The following FHIT variants were observed in gnomAD, a reference collection of about 807,000 sequenced individuals.
The protein encoded by FHIT is bis(5'-adenosyl)-triphosphatase.
FHIT carries 19 observed loss-of-function variants against 17.9 expected under a neutral mutation model. The observed-to-expected ratio is 1.06, with a 90% CI of 0.74 to 1.56. The LOEUF is 1.56. FHIT is among the 40% of genes most tolerant of loss of function. FHIT has a pLI of 0.00. For synonymous variants in FHIT, 81 were observed against 69.7 expected, an observed-to-expected ratio of 1.16 and a Z score of -0.81; for missense variants, 248 against 189.2, an observed-to-expected ratio of 1.31 and a Z score of -1.82.
intron 9 of FHIT, chr3:59,750,100 G>A (rs1382741104): frequency 2.2e-5 from 5 of 226,390 alleles, no homozygotes; most frequent in Non-Finnish European, 4.4e-5. Flanking sequence ...GATGTACAAG[G>A]GAAGTCAATT....
intron 4 of FHIT, among the ~76,000 whole-genome samples, chr3:60,553,117 C>T (rs2036615157): frequency 1.3e-5 from 2 of 152,102 alleles, no homozygotes; most frequent in Non-Finnish European, 2.9e-5. Context: ...AAATAATTAT[C>T]TTGCTTTTAT....
chr3:59,874,367 G>C (rs1304459803), intron 8 of FHIT, among the ~76,000 whole-genome samples: 1 of 152,222 alleles, frequency 6.6e-6, no homozygotes, highest in Non-Finnish European at 1.5e-5. Flanking sequence ...ATTTCGACTA[G>C]CATGGTAGTT....
At chr3:60,169,930 G>A (rs1026159905) in intron 5 of FHIT, among the ~76,000 whole-genome samples, 8 of 152,186 alleles carry the variant, frequency 5.3e-5, no homozygotes, top group African/African-American at 1.7e-4. Context: ...AGAAAAAGAG[G>A]AAGTACTACA....
chr3:60,840,098 C>G (rs868995525), intron 3 of FHIT, among the ~76,000 whole-genome samples: 1 of 151,860 alleles, frequency 6.6e-6, no homozygotes. Context: ...AGCCTAAAGG[C>G]CTTGAAAGAA....
At chr3:59,803,563 G>T (rs192365372) in intron 8 of FHIT, among the ~76,000 whole-genome samples, 1 of 152,352 alleles carries the variant, frequency 6.6e-6, no homozygotes, top group Non-Finnish European at 1.5e-5. Flanking sequence ...ATGAACAAAG[G>T]TGGAAAGATG....
chr3:60,147,487 C>A (rs568603335), intron 5 of FHIT, among the ~76,000 whole-genome samples: 1 of 152,124 alleles, frequency 6.6e-6, no homozygotes, highest in African/African-American at 2.4e-5. Flanking sequence ...CCTCCGCCAC[C>A]GTGGGTGTCA....
intron 3 of FHIT, among the ~76,000 whole-genome samples, chr3:60,841,415 T>C (rs186340269): frequency 3.9e-4 from 59 of 152,364 alleles, no homozygotes; most frequent in African/African-American, 1.3e-3. Context: ...ATCTGTAGAC[T>C]ATGTGGAAAG....
intron 8 of FHIT, among the ~76,000 whole-genome samples, chr3:59,868,242 G>A (rs1353412796): frequency 6.6e-6 from 1 of 151,996 alleles, no homozygotes; most frequent in African/African-American, 2.4e-5. Flanking sequence ...CACATTTTAT[G>A]GATCCCAAAG....
intron 5 of FHIT, among the ~76,000 whole-genome samples, chr3:60,517,420 G>T (rs150789383): frequency 7.4e-6 from 1 of 134,260 alleles, no homozygotes; most frequent in African/African-American, 2.9e-5. Context: ...AGATAGCATC[G>T]GAATCATAGG....
At chr3:60,318,695 T>A (rs903941794) in intron 5 of FHIT, among the ~76,000 whole-genome samples, 1 of 152,190 alleles carries the variant, frequency 6.6e-6, no homozygotes. Flanking sequence ...TTAATTCACC[T>A]TTTAAAAGTT....
intron 7 of FHIT, among the ~76,000 whole-genome samples, chr3:59,947,420 T>G (rs768559462): frequency 6.6e-6 from 1 of 152,324 alleles, no homozygotes; most frequent in Non-Finnish European, 1.5e-5. Context: ...TTAGTCTAGC[T>G]AGTGGTCTAT....
chr3:60,398,419 G>A (rs1428274541), intron 5 of FHIT, among the ~76,000 whole-genome samples: 1 of 152,126 alleles, frequency 6.6e-6, no homozygotes, highest in East Asian at 1.9e-4. Context: ...AAACTAACTA[G>A]ATGAGAAAGT....
At chr3:59,753,303 T>A (rs1457604663) in intron 8 of FHIT, among the ~76,000 whole-genome samples, 2 of 152,280 alleles carry the variant, frequency 1.3e-5, no homozygotes, top group South Asian at 2.1e-4. Context: ...TTACAAAAAA[T>A]TAACAATTTG....
At chr3:60,553,361 G>T (rs182495855) in intron 4 of FHIT, 201 of 976,248 alleles carry the variant, frequency 2.1e-4, no homozygotes, top group Non-Finnish European at 2.3e-4. Flanking sequence ...GTGTTTTTAC[G>T]TAATGTGAAT....
chr3:60,139,268 G>C (rs976152047), intron 5 of FHIT, among the ~76,000 whole-genome samples: 5 of 152,148 alleles, frequency 3.3e-5, no homozygotes, highest in African/African-American at 9.7e-5. Context: ...TACTTCATCA[G>C]ATTTGCCATC....
intron 4 of FHIT, among the ~76,000 whole-genome samples, chr3:60,739,761 C>T (rs1362756213): frequency 6.6e-6 from 1 of 152,146 alleles, no homozygotes; most frequent in African/African-American, 2.4e-5. Flanking sequence ...AATGTACATT[C>T]CAGGATCTAA....
intron 5 of FHIT, among the ~76,000 whole-genome samples, chr3:60,110,366 A>G (rs1349207398): frequency 6.6e-6 from 1 of 152,178 alleles, no homozygotes; most frequent in Non-Finnish European, 1.5e-5. Flanking sequence ...AAGATGAACT[A>G]AGTAATCACC....
intron 5 of FHIT, among the ~76,000 whole-genome samples, chr3:60,489,686 T>A (rs1452778870): frequency 6.6e-6 from 1 of 152,228 alleles, no homozygotes; most frequent in Non-Finnish European, 1.5e-5. Flanking sequence ...GTTTTTGAAC[T>A]ATTATTGCAA....
At chr3:61,021,930 A>C (rs534440709) in intron 3 of FHIT, among the ~76,000 whole-genome samples, 2 of 152,288 alleles carry the variant, frequency 1.3e-5, no homozygotes, top group African/African-American at 4.8e-5. Context: ...CTCACAATTA[A>C]GAGAACTAGA....
Sources: gnomAD v4.1 joint callset for allele counts (sites outside exome capture counted in the v4.1 genomes callset) on GRCh38, gnomAD v4.1.1 for gene constraint, MANE v1.5 for transcripts, NCBI Gene and HGNC (gene_info 2026-07-23, HGNC 2026-07-21) for gene names.